SIM1: variants seen among roughly 807,000 people sequenced by gnomAD.
SIM1 encodes SIM bHLH transcription factor 1.
SIM1 carries 18 observed loss-of-function variants against 78.2 expected under a neutral mutation model. That is an observed-to-expected ratio of 0.23 (90% confidence interval 0.16 to 0.34). The LOEUF (loss-of-function observed/expected upper bound fraction) is 0.34, where lower values mean the gene tolerates loss of function less well. Among genes scored for constraint, SIM1 ranks in the 10% least tolerant of loss-of-function variants. The pLI is 1.00. For missense variants in SIM1, 939 were observed against 975.1 expected (o/e 0.96, Z 0.49); for synonymous variants, 417 against 385.2 (o/e 1.08, Z -0.97).
intron 9 of SIM1, among the ~76,000 whole-genome samples, chr6:100,444,160 ATAAT>A (rs1772292460): frequency 1.3e-5 from 2 of 152,112 alleles, no homozygotes; most frequent in Non-Finnish European, 2.9e-5. Flanking sequence ...CTGGCTATGA[ATAAT>A]TAATAATACT....
chr6:100,386,313 A>C lies in SIM1; in HGVS notation c.*4048T>G, dbSNP rs1212535520. ...TGACCCCAAAATGGTCAAATGCTCAATTTTCCAAATATCAGCATTCACTCT... is the reference window on the plus strand; with the variant it reads ...TGACCCCAAAATGGTCAAATGCTCACTTTTCCAAATATCAGCATTCACTCT... On this transcript the variant is annotated 3_prime_UTR_variant, in exon 12 of 12. Coordinates refer to ENST00000369208, the MANE Select transcript of SIM1 (RefSeq NM_005068.3). The C allele has an allele frequency of 6.6e-6, 1 of 151,974 alleles. No homozygotes were observed. Among genetic ancestry groups the C allele is most frequent in the Non-Finnish European group, 1.5e-5 (1 of 67,904 alleles). The allele number at this position is 151,974 out of a possible 1,614,324, so 9.4% of individuals were successfully genotyped here. A position where few individuals can be genotyped will look rare whatever the true frequency, so the allele number is the denominator to read the frequency against.
chr6:100,449,605 G>T lies in SIM1; in HGVS notation c.443C>A (p.Ser148Tyr). The change falls in exon 5 of 12, where the codon TCT becomes TAT. Residue 148 changes from serine to tyrosine, a missense_variant. Around this residue, in one of 5 missense-constraint regions of SIM1, gnomAD observed 187 missense variants for 191.6 expected, o/e 0.98. Coordinates refer to ENST00000369208, the MANE Select transcript of SIM1 (RefSeq NM_005068.3). ...GTCTACCTTACCCTGCACGAAGTGA[G>T]AGTGGTAGGGTTGATGGGCGGTGAG... ...AVLTAHQPYH[S>Y]HFVQEYEIER... is the part of the protein sequence containing the mutation. 6.2e-7 allele frequency: 1 copy of T among 1,613,918 alleles called. No individual in the cohort carries two copies. The highest frequency in any genetic ancestry group is 8.5e-7 in the Non-Finnish European group (1 of 1,179,782).
chr6:100,448,354 C>A, intron 7 of SIM1, 102 bp from the exon 8 acceptor site: 1 of 1,371,268 alleles, frequency 7.3e-7, no homozygotes. Flanking sequence ...TCCGCCCTCA[C>A]TTTCCAGGGC....
At chr6:100,413,084 C>G (rs564302167) in intron 10 of SIM1, among the ~76,000 whole-genome samples, 1 of 152,224 alleles carries the variant, frequency 6.6e-6, no homozygotes, top group Non-Finnish European at 1.5e-5. Flanking sequence ...ATACCACCAC[C>G]ACCACAGATA....
intron 9 of SIM1, among the ~76,000 whole-genome samples, chr6:100,435,337 A>G (rs1393420107): frequency 6.6e-6 from 1 of 152,224 alleles, no homozygotes; most frequent in Admixed American, 6.5e-5. Context: ...GGTTCACCCT[A>G]AAACAGCATT....
chr6:100,447,251 C>T lies in SIM1; in HGVS notation c.998+17G>A, dbSNP rs763235318. 41 of 1,612,490 alleles carry T rather than the reference C, an allele frequency of 2.5e-5. 1 individual carries two copies. The South Asian group carries it at 4.1e-4, about 16-fold the overall frequency. Reference sequence around the variant, plus strand: ...GGTCGCCTGGGGTGGGTGAAGGGGTCTCAGTCTTGCACTCACGTGAGGACA... The same window carrying T: ...GGTCGCCTGGGGTGGGTGAAGGGGTTTCAGTCTTGCACTCACGTGAGGACA... On this transcript the variant is annotated intron_variant, in intron 9 of 11. Coordinates refer to ENST00000369208, the MANE Select transcript of SIM1 (RefSeq NM_005068.3).
intron 2 of SIM1, among the ~76,000 whole-genome samples, chr6:100,461,300 T>TAAAAAC (rs1167186226): frequency 2.0e-5 from 3 of 152,188 alleles, no homozygotes; most frequent in Admixed American, 1.3e-4. Flanking sequence ...CTTGCTCTTT[T>TAAAAAC]AAAAACAAAA....
At chr6:100,456,399 T>C (rs1772662621) in intron 2 of SIM1, among the ~76,000 whole-genome samples, 1 of 152,140 alleles carries the variant, frequency 6.6e-6, no homozygotes, top group African/African-American at 2.4e-5. Context: ...AATCCTTTGA[T>C]TGTCTGTTTA....
At position 100,448,192 on chromosome 6, in the gene SIM1, A is replaced by C. The variant is rs761256648; in HGVS notation, c.804T>G (p.His268Gln). The change falls in exon 8 of 12, where the codon CAT becomes CAG. Residue 268 changes from histidine (H) to glutamine (Q), a missense_variant. Transcript: ENST00000369208. Reference protein sequence around the residue: ...QDLIEKTLYHHVHGCDTFHLR... With the variant: ...QDLIEKTLYHQVHGCDTFHLR... ...GGTGGAAGGTGTCGCAGCCGTGCACATGGTGGTACAGAGTCTTCTCAATCA... is the reference window on the plus strand; with the variant it reads ...GGTGGAAGGTGTCGCAGCCGTGCACCTGGTGGTACAGAGTCTTCTCAATCA... The C allele has an allele frequency of 1.7e-5, 27 of 1,613,876 alleles. No homozygotes were observed. The highest frequency in any genetic ancestry group is 2.5e-6 in the Non-Finnish European group (3 of 1,179,992).
At chr6:100,424,078 C>T (rs192252454) in intron 9 of SIM1, among the ~76,000 whole-genome samples, 1,780 of 118,584 alleles carry the variant, frequency 0.015, 16 homozygotes, top group Non-Finnish European at 0.02. Context: ...TCCCACCCCC[C>T]GCCCAGGGTA....
intron 10 of SIM1, among the ~76,000 whole-genome samples, chr6:100,417,714 C>T (rs995637648): frequency 1.3e-5 from 2 of 152,166 alleles, no homozygotes; most frequent in African/African-American, 4.8e-5. Flanking sequence ...CAGCCTATGA[C>T]AATTCACTGT....
intron 9 of SIM1, among the ~76,000 whole-genome samples, chr6:100,443,824 A>T (rs546355957): frequency 6.6e-6 from 1 of 152,304 alleles, no homozygotes; most frequent in South Asian, 2.1e-4. Context: ...ATAGGCACAC[A>T]TATAGGTAGA....
chr6:100,389,953 A>G lies in SIM1; in HGVS notation c.*408T>C, dbSNP rs1267748358. On this transcript the variant is annotated 3_prime_UTR_variant, in exon 12 of 12. Transcript: ENST00000369208. ...CCCATTTTTGATGTATTTACATTACATAGCCTATATTTCCATATGTAAAAT... is the reference window on the plus strand; with the variant it reads ...CCCATTTTTGATGTATTTACATTACGTAGCCTATATTTCCATATGTAAAAT... 6 of 392,200 alleles carry G rather than the reference A, an allele frequency of 1.5e-5. No homozygotes were observed. The highest frequency in any genetic ancestry group is 1.5e-4 in the East Asian group (4 of 27,448). The allele number at this position is 392,200 out of a possible 1,614,324, so 24.3% of individuals were successfully genotyped here. A position where few individuals can be genotyped will look rare whatever the true frequency, so the allele number is the denominator to read the frequency against.
chr6:100,458,559 T>G (rs1344069905), intron 2 of SIM1, among the ~76,000 whole-genome samples: 4 of 152,270 alleles, frequency 2.6e-5, no homozygotes, highest in Admixed American at 2.6e-4. Flanking sequence ...GGACCTCTGA[T>G]GAGGGCAGGG....
chr6:100,391,130 AT>A (rs1562230024), intron 11 of SIM1, 39 bp from the exon 12 acceptor site: 1 of 1,532,458 alleles, frequency 6.5e-7, no homozygotes, highest in African/African-American at 1.4e-5. Flanking sequence ...TGATCTCAGA[AT>A]TCACCCTCAA....
At chr6:100,413,333 T>A (rs1038579330) in intron 10 of SIM1, among the ~76,000 whole-genome samples, 5 of 152,186 alleles carry the variant, frequency 3.3e-5, no homozygotes, top group African/African-American at 1.2e-4. Flanking sequence ...GACCTCTAGG[T>A]GGCCAAGGCA....
chr6:100,446,774 T>C lies in SIM1; in HGVS notation c.998+494A>G, dbSNP rs1772367023. 2.6e-5 allele frequency among the ~76,000 whole-genome samples: 4 copies of C among 152,180 alleles called. No individual in the cohort carries two copies. The South Asian group carries it at 8.3e-4, about 31-fold the overall frequency. On this transcript the variant is annotated intron_variant, in intron 9 of 11. Transcript: ENST00000369208. ...TCTACGAGTTAAAGTCAGATCCTCC[T>C]GGTCACTTAAGCCCCCTTTGTGGTT...
rs755337505 is a variant in SIM1 at position 100,391,037 on chromosome 6, G to A, written c.1625C>T (p.Ala542Val). 6.2e-7 allele frequency: 1 copy of A among 1,614,000 alleles called. No individual in the cohort carries two copies. Among genetic ancestry groups the A allele is most frequent in the African/African-American group, 1.3e-5 (1 of 75,012 alleles). Residue 542 changes from alanine (A) to valine (V), a missense_variant, in exon 12 of 12, where the codon GCC becomes GTC. Ala to Val is a moderately conservative substitution (Grantham distance 64). Around this residue, in one of 5 missense-constraint regions of SIM1, gnomAD observed 556 missense variants for 521.9 expected, o/e 1.07. Transcript: ENST00000369208. ...ACGATATCGGTCACCTGATTCACTGGCCGACCCAGGGTCTGGAGAACTGAC... is the reference window on the plus strand; with the variant it reads ...ACGATATCGGTCACCTGATTCACTGACCGACCCAGGGTCTGGAGAACTGAC... ...SVVSSPDPGS[A>V]SESGDRYRTE...
At chr6:100,453,919 T>A (rs1772581056) in intron 2 of SIM1, 75 bp from the exon 3 acceptor site, 1 of 1,126,702 alleles carries the variant, frequency 8.9e-7, no homozygotes, top group African/African-American at 1.6e-5. Context: ...GTCCCGCGAC[T>A]GTATTACCCG....
Sources: gnomAD v4.1 joint callset for allele counts (sites outside exome capture counted in the v4.1 genomes callset) on GRCh38, gnomAD v4.1.1 for gene constraint, gnomAD v4.1.1 regional missense constraint, MANE v1.5 for transcripts, NCBI Gene and HGNC (gene_info 2026-07-23, HGNC 2026-07-21) for gene names.